Variants in ACAD8 observed in about 807,000 individuals in gnomAD.
The protein encoded by ACAD8 is isobutyryl-CoA dehydrogenase, mitochondrial.
ACAD8 carries 47 observed loss-of-function variants against 53.1 expected under a neutral mutation model. That is an observed-to-expected ratio of 0.89 (90% CI 0.70 to 1.13). The LOEUF (loss-of-function observed/expected upper bound fraction) is 1.13. Ranked by LOEUF, ACAD8 falls within the 50% of genes most tolerant of loss-of-function variation. ACAD8 has a pLI of 0.00. For missense variants in ACAD8, 494 were observed against 535.0 expected, an observed-to-expected ratio of 0.92 and a Z score of 0.76; for synonymous variants, 198 against 201.3, an observed-to-expected ratio of 0.98 and a Z score of 0.14.
At chr11:134,257,341 C>A in intron 3 of ACAD8, 84 bp downstream of exon 3, 1 of 1,536,622 alleles carries the variant, frequency 6.5e-7, no homozygotes, top group South Asian at 1.1e-5. Context: ...AAAGATTGAT[C>A]TTTTGAAGCT....
chr11:134,258,979 CTCTCT>C (rs760153382), intron 4 of ACAD8, 24 bp from the exon 5 acceptor site: 6 of 1,596,666 alleles, frequency 3.8e-6, no homozygotes, highest in Non-Finnish European at 5.2e-6. Flanking sequence ...TTCTCACCTT[CTCTCT>C]GCTGCCTTTT....
intron 6 of ACAD8, chr11:134,260,084 G>A (rs1180941745): frequency 3.5e-5 from 42 of 1,200,368 alleles, no homozygotes; most frequent in Non-Finnish European, 4.1e-5. Context: ...AGAAGACCTG[G>A]TGTTGGCCAC....
chr11:134,259,315 G>C (rs1939737940), intron 5 of ACAD8: 1 of 675,804 alleles, frequency 1.5e-6, no homozygotes, highest in Non-Finnish European at 2.6e-6. Context: ...CTCTTGGACT[G>C]CCTCTCTGAT....
rs1939737940 is a variant in ACAD8 at position 134,259,315 on chromosome 11, G to T, written c.567+231G>T. On this transcript the variant is annotated intron_variant, in intron 5 of 10. Coordinates refer to ENST00000281182, the MANE Select transcript of ACAD8 (RefSeq NM_014384.3). The stretch of plus-strand genomic sequence containing the variant: ...TATCCTTTTTATACTCTCTTGGACT[G>T]CCTCTCTGATCTGCAGTCACTGCAG... 1.2e-5 allele frequency: 8 copies of T among 675,804 alleles called. No homozygotes were observed. In the East Asian group the frequency reaches 1.9e-4, roughly 16 times the overall value. 41.9% of individuals were successfully genotyped at this position (675,804 alleles called of 1,614,324 possible). A position where few individuals can be genotyped will look rare whatever the true frequency, so the allele number is the denominator to read the frequency against.
At position 134,253,613 on chromosome 11, in the gene ACAD8, G is replaced by T; in HGVS notation, c.13G>T (p.Gly5Cys). MLWS[G>C]CRRFGARLGC... is the part of the protein sequence containing the mutation. ...AGCTGCGGCGGCTATGCTGTGGAGC[G>T]GCTGCCGGCGTTTCGGGGCGCGCCT... The change falls in exon 1 of 11, where the codon GGC becomes TGC. Residue 5 changes from glycine to cysteine, a missense_variant. Coordinates refer to ENST00000281182, the MANE Select transcript of ACAD8 (RefSeq NM_014384.3). The T allele has an allele frequency of 6.3e-7, 1 of 1,580,868 alleles. No individual in the cohort carries two copies. The highest frequency in any genetic ancestry group is 8.6e-7 in the Non-Finnish European group (1 of 1,166,872).
Position 134,261,978 on chromosome 11 carries a change from C to G in ACAD8, c.1092+88C>G. On this transcript the variant is annotated intron_variant, in intron 9 of 10. Coordinates refer to ENST00000281182, the MANE Select transcript of ACAD8 (RefSeq NM_014384.3). The surrounding 1 kb of genome is among the most constrained non-coding windows in gnomAD (Gnocchi z 4.2). Reference sequence around the variant, plus strand: ...GAGAGACATGAGTCAGATTTGGAACCCAGCCCTCCTGGAATCCCACAAGGA... The same window carrying G: ...GAGAGACATGAGTCAGATTTGGAACGCAGCCCTCCTGGAATCCCACAAGGA... 1 of 1,489,776 alleles carries G rather than the reference C, an allele frequency of 6.7e-7. No individual in the cohort carries two copies. Among genetic ancestry groups the G allele is most frequent in the Middle Eastern group, 2.0e-4 (1 of 5,102 alleles). 92.3% of individuals were successfully genotyped at this position (1,489,776 alleles called of 1,614,324 possible). A position where few individuals can be genotyped will look rare whatever the true frequency, so the allele number is the denominator to read the frequency against.
chr11:134,262,414 A>C (rs958057028), intron 9 of ACAD8, 106 bp from the exon 10 acceptor site: 2 of 751,098 alleles, frequency 2.7e-6, no homozygotes, highest in Admixed American at 2.0e-5. Flanking sequence ...TGGTTCTTTC[A>C]TGGGTTTATG....
rs774591276 is a variant in ACAD8, at chr11:134,259,624, C to T, written c.584C>T (p.Ala195Val). 3 of 1,614,212 alleles carry T rather than the reference C, an allele frequency of 1.9e-6. No individual in the cohort carries two copies. The highest frequency in any genetic ancestry group is 2.5e-6 in the Non-Finnish European group (3 of 1,180,034). ...LNGSKAFISG[A>V]GESDIYVVMC... is the part of the protein sequence containing the mutation. ...CCCCCACAGGCCTTCATCAGTGGTGCTGGTGAGTCAGACATCTATGTGGTC... is the reference window on the plus strand; with the variant it reads ...CCCCCACAGGCCTTCATCAGTGGTGTTGGTGAGTCAGACATCTATGTGGTC... Residue 195 changes from alanine (A) to valine (V), a missense_variant, in exon 6 of 11, where the codon GCT becomes GTT. Physicochemically the swap from Ala to Val is moderately conservative, Grantham distance 64. Coordinates refer to ENST00000281182, the MANE Select transcript of ACAD8 (RefSeq NM_014384.3).
intron 2 of ACAD8, 119 bp from the exon 3 acceptor site, chr11:134,256,969 A>G (rs906252755): frequency 2.3e-5 from 25 of 1,064,184 alleles, no homozygotes; most frequent in Non-Finnish European, 3.6e-5. Context: ...ACAAACAGGC[A>G]TATTAAGAGA....
chr11:134,254,165 A>G (rs1383622064), intron 1 of ACAD8, among the ~76,000 whole-genome samples: 2 of 152,206 alleles, frequency 1.3e-5, no homozygotes. Flanking sequence ...GTTTTTAATC[A>G]TAACAGTAGG....
chr11:134,259,484 A>G, intron 5 of ACAD8, 124 bp from the exon 6 acceptor site: 2 of 809,120 alleles, frequency 2.5e-6, no homozygotes, highest in Non-Finnish European at 4.3e-6. Flanking sequence ...TCTCTGTGCC[A>G]TTGGACCTTA....
chr11:134,265,095 C>G lies in ACAD8; in HGVS notation c.*135C>G. The G allele has an allele frequency of 1.1e-6, 1 of 929,248 alleles. No homozygotes were observed. The highest frequency in any genetic ancestry group is 1.7e-6 in the Non-Finnish European group (1 of 573,110). The allele number at this position is 929,248 out of a possible 1,614,324, so 57.6% of individuals were successfully genotyped here. A position where few individuals can be genotyped will look rare whatever the true frequency, so the allele number is the denominator to read the frequency against. On this transcript the variant is annotated 3_prime_UTR_variant, in exon 11 of 11. Transcript: ENST00000281182. The stretch of plus-strand genomic sequence containing the variant: ...GCTCCTCTAGGGCAGGACCTGCACC[C>G]TGTGTGTTGGCACCAGCATCGGGTC...
chr11:134,259,322 T>C (rs544935762), intron 5 of ACAD8: 1 of 670,792 alleles, frequency 1.5e-6, no homozygotes, highest in African/African-American at 1.8e-5. Flanking sequence ...ACTGCCTCTC[T>C]GATCTGCAGT....
chr11:134,256,209 T>C (rs1483185282), intron 1 of ACAD8, among the ~76,000 whole-genome samples: 1 of 152,242 alleles, frequency 6.6e-6, no homozygotes, highest in Non-Finnish European at 1.5e-5. Context: ...GCCCAGCCCA[T>C]AGTGCTCTTC....
intron 6 of ACAD8, chr11:134,260,713 A>G (rs1204778542): frequency 5.1e-6 from 2 of 394,316 alleles, no homozygotes; most frequent in East Asian, 5.9e-5. Flanking sequence ...GAGATTGTAG[A>G]TAGTTTGTGG....
intron 10 of ACAD8, chr11:134,263,943 G>A: frequency 1.0e-6 from 1 of 985,444 alleles, no homozygotes; most frequent in Non-Finnish European, 1.2e-6. Flanking sequence ...TGCTAAAAAT[G>A]AAGCAAATAA....
intron 10 of ACAD8, chr11:134,263,660 C>T: frequency 1.0e-6 from 1 of 982,048 alleles, no homozygotes; most frequent in African/African-American, 1.7e-5. Flanking sequence ...CCTTCCATTA[C>T]TCTTGGAATT....
intron 1 of ACAD8, 151 bp downstream of exon 1, chr11:134,253,860 G>A (rs1200765164): frequency 2.3e-6 from 2 of 855,534 alleles, no homozygotes; most frequent in East Asian, 2.7e-5. Flanking sequence ...TCCCTACTCC[G>A]GCCGGTCACC....
In ACAD8 at chr11:134,261,943, CA is replaced by C; in HGVS notation, c.1092+54del. The C allele has an allele frequency of 6.2e-7, 1 of 1,604,178 alleles. No homozygotes were observed. The highest frequency in any genetic ancestry group is 8.5e-7 in the Non-Finnish European group (1 of 1,176,100). On this transcript the variant is annotated intron_variant, in intron 9 of 10. Transcript: ENST00000281182. This position sits in a 1 kb window ranked among gnomAD's most constrained non-coding sequence, Gnocchi z 4.2. The stretch of plus-strand genomic sequence containing the variant: ...ATGGACAGGGAACAGCTGCTAGGCC[CA>C]GGGGTCTTGAGAGACATGAGTCAGA...
Sources: gnomAD v4.1 joint callset for allele counts (sites outside exome capture counted in the v4.1 genomes callset) on GRCh38, gnomAD v4.1.1 for gene constraint, Gnocchi (gnomAD v3.1) non-coding constraint, MANE v1.5 for transcripts, NCBI Gene and HGNC (gene_info 2026-07-23, HGNC 2026-07-21) for gene names.